The following CAMTA2 variants were observed in gnomAD, a reference collection of about 807,000 sequenced individuals.
CAMTA2 encodes calmodulin-binding transcription activator 2.
Under a neutral mutation model 135.7 loss-of-function variants are expected in CAMTA2, and 56 were observed. That is an observed-to-expected ratio of 0.41 (90% confidence interval 0.33 to 0.52). The LOEUF (loss-of-function observed/expected upper bound fraction) is 0.52, where lower values mean the gene tolerates loss of function less well. CAMTA2 is among the 20% of genes least tolerant of loss of function. The pLI is 0.16. For missense variants in CAMTA2, 1,358 were observed against 1,553.4 expected (o/e 0.87, Z 2.11); for synonymous variants, 591 against 604.6 (o/e 0.98, Z 0.33).
At chr17:4,985,477 G>T (rs894997889) in intron 3 of CAMTA2, among the ~76,000 whole-genome samples, 2 of 152,214 alleles carry the variant, frequency 1.3e-5, no homozygotes, top group Non-Finnish European at 2.9e-5. Context: ...AGGCTGGAGT[G>T]CAGTGGCGTG....
chr17:4,977,312 G>A, intron 10 of CAMTA2, 120 bp from the exon 11 acceptor site: 1 of 1,295,684 alleles, frequency 7.7e-7, no homozygotes, highest in Non-Finnish European at 1.0e-6. Flanking sequence ...TGTGGGCCAA[G>A]AGGCCCCTGG....
rs1972388510 is a variant in CAMTA2 at position 4,972,868 on chromosome 17, G to T, written c.2404C>A (p.His802Asn). 5 of 1,613,880 alleles carry T rather than the reference G, an allele frequency of 3.1e-6. No individual in the cohort carries two copies. Among genetic ancestry groups the T allele is most frequent in the Non-Finnish European group, 3.4e-6 (4 of 1,180,030 alleles). The change falls in exon 15 of 23, where the codon CAT becomes AAT. Residue 802 changes from histidine to asparagine, a missense_variant. Physicochemically the swap from His to Asn is moderately conservative, Grantham distance 68. Transcript: ENST00000348066. ...LPLSVAHSRG[H>N]VRLARCLEEL... ...TCAAGGCAGCGGGCAAGGCGCACAT[G>T]ACCCCGGGAATGAGCCACAGACAAT...
At position 4,970,440 on chromosome 17, in the gene CAMTA2, T is replaced by A. The variant is rs757802028; in HGVS notation, c.2905A>T (p.Met969Leu). The A allele has an allele frequency of 1.3e-5, 21 of 1,613,996 alleles. No homozygotes were observed. The highest frequency in any genetic ancestry group is 1.8e-5 in the Non-Finnish European group (21 of 1,180,010). ...CCCACAGCCCCTGTCCGCTCCCGCA[T>A]TGAGGCTCCAGCCTCGGGCAGCCCC... ...FVGLPEAGAS[M>L]RERTGAVGLS... is the part of the protein sequence containing the mutation. The change falls in exon 17 of 23, where the codon ATG becomes TTG. Residue 969 changes from methionine (M) to leucine (L), a missense_variant. This residue lies in a region of CAMTA2 where 1,077 missense variants were observed against 1,127.5 expected (regional missense o/e 0.96). Coordinates refer to ENST00000348066, the MANE Select transcript of CAMTA2 (RefSeq NM_015099.4).
chr17:4,974,530 T>G (rs1403933786), intron 11 of CAMTA2, 30 bp from the exon 12 acceptor site: 11 of 1,433,530 alleles, frequency 7.7e-6, no homozygotes, highest in Non-Finnish European at 1.1e-5. Flanking sequence ...GGAGGCTGAG[T>G]GGGCAGTCTA....
At position 4,972,475 on chromosome 17, in the gene CAMTA2, G is replaced by A. The variant is rs1382362279; in HGVS notation, c.2565C>T (p.Ala855=). 1 of 1,612,966 alleles carries A rather than the reference G, an allele frequency of 6.2e-7. No individual in the cohort carries two copies. Among genetic ancestry groups the A allele is most frequent in the East Asian group, 2.2e-5 (1 of 44,834 alleles). ...LSDGTFSVTS[A]YSSAPDGSPP... ...GACTGCCATCTGGGGCACTAGAATA[G>A]GCTGACGTGACGGAAAAGGTGCCAT... The change falls in exon 16 of 23, where the codon GCC becomes GCT. Residue 855 remains alanine, a synonymous_variant. Coordinates refer to ENST00000348066, the MANE Select transcript of CAMTA2 (RefSeq NM_015099.4).
Position 4,982,081 on chromosome 17 carries a change from G to T in CAMTA2, c.411+8C>A. On this transcript the variant is annotated splice_region_variant and intron_variant, in intron 6 of 22. Coordinates refer to ENST00000348066, the MANE Select transcript of CAMTA2 (RefSeq NM_015099.4). ...AGAGGGTGGCTCCCTGGGCTCTTCC[G>T]TCCTTACCTGGAGCAGCCAGTAGCA... 1 of 1,608,976 alleles carries T rather than the reference G, an allele frequency of 6.2e-7. No individual in the cohort carries two copies.
Position 4,982,089 on chromosome 17 carries a change from C to G in CAMTA2, c.411G>C (p.Gln137His). The G allele has an allele frequency of 6.2e-7, 1 of 1,612,240 alleles. No individual in the cohort carries two copies. The highest frequency in any genetic ancestry group is 8.5e-7 in the Non-Finnish European group (1 of 1,178,642). ...GCTCCCTGGGCTCTTCCGTCCTTAC[C>G]TGGAGCAGCCAGTAGCAGCGCCGAT... ...TFHRRCYWLL[Q>H]NPDIVLVHYL... is the part of the protein sequence containing the mutation. Residue 137 changes from glutamine to histidine, a missense_variant and splice_region_variant, in exon 6 of 23, where the codon CAG becomes CAC. By Grantham distance (24) the Gln-to-His change is conservative. Around this residue, in one of 4 missense-constraint regions of CAMTA2, gnomAD observed 105 missense variants for 190.9 expected, o/e 0.55. Coordinates refer to ENST00000348066, the MANE Select transcript of CAMTA2 (RefSeq NM_015099.4).
At chr17:4,985,809 A>G (rs1973241847) in intron 3 of CAMTA2, 71 bp downstream of exon 3, 1 of 916,962 alleles carries the variant, frequency 1.1e-6, no homozygotes, top group African/African-American at 1.6e-5. Context: ...AGACACGGAA[A>G]GACCCCCCAC....
intron 11 of CAMTA2, among the ~76,000 whole-genome samples, chr17:4,976,215 AG>A (rs1432476749): frequency 2.0e-5 from 3 of 152,012 alleles, no homozygotes; most frequent in African/African-American, 7.2e-5. Context: ...CATATTTGCC[AG>A]GCTGGTCTCA....
chr17:4,986,773 C>T (rs1973354069), intron 1 of CAMTA2: 1 of 580,164 alleles, frequency 1.7e-6, no homozygotes, highest in Non-Finnish European at 3.1e-6. Context: ...AGGGGAAGGG[C>T]AGATCTGATA....
rs776842223 is a variant in CAMTA2 at position 4,972,795 on chromosome 17, G to A, written c.2477C>T (p.Ser826Leu). Residue 826 changes from serine (S) to leucine (L), a missense_variant, in exon 15 of 23, where the codon TCG becomes TTG. By Grantham distance (145) the Ser-to-Leu change is moderately radical. Coordinates refer to ENST00000348066, the MANE Select transcript of CAMTA2 (RefSeq NM_015099.4). ...AGTGTCTGGGCTGGAGGAGGGTGGC[G>A]ATAGGGCAAATGGGGGCTCCACCGA... ...EPSVEPPFALSPPSSSPDTGL... is the reference protein window; with the variant it reads ...EPSVEPPFALLPPSSSPDTGL... The A allele has an allele frequency of 6.2e-6, 10 of 1,613,710 alleles. No homozygotes were observed. Among genetic ancestry groups the A allele is most frequent in the South Asian group, 3.3e-5 (3 of 91,078 alleles).
intron 15 of CAMTA2, 42 bp from the exon 16 acceptor site, chr17:4,972,578 G>A: frequency 1.3e-6 from 2 of 1,572,714 alleles, no homozygotes; most frequent in Non-Finnish European, 1.7e-6. Flanking sequence ...CGGAGCCACG[G>A]CCATCCCTCG....
At chr17:4,970,895 TC>T (rs1398352980) in intron 16 of CAMTA2, among the ~76,000 whole-genome samples, 1 of 152,080 alleles carries the variant, frequency 6.6e-6, no homozygotes, top group Non-Finnish European at 1.5e-5. Flanking sequence ...CACCCCCAGC[TC>T]CCTTTCAACT....
intron 12 of CAMTA2, chr17:4,974,077 C>A: frequency 1.9e-6 from 1 of 527,944 alleles, no homozygotes; most frequent in Non-Finnish European, 3.4e-6. Context: ...TAGCCCTCTT[C>A]TTTCAGAAAC....
Position 4,973,215 on chromosome 17 carries a change from ACCT to A in CAMTA2, c.2237_2239del (p.Glu746del), listed in dbSNP as rs1972413136. 1 of 1,614,014 alleles carries A rather than the reference ACCT, an allele frequency of 6.2e-7. No individual in the cohort carries two copies. Among genetic ancestry groups the A allele is most frequent in the East Asian group, 2.2e-5 (1 of 44,870 alleles). ...GAAATGATCCACGTTGAGCGGGTCA[ACCT>A]CCTGCTCTAAGTCCAAGCTTCCAGT... On this transcript the variant is annotated inframe_deletion, in exon 14 of 23. Coordinates refer to ENST00000348066, the MANE Select transcript of CAMTA2 (RefSeq NM_015099.4).
rs778329985 is a variant in CAMTA2 at position 4,981,336 on chromosome 17, C to T, written c.589G>A (p.Gly197Arg). The change falls in exon 8 of 23, where the codon GGG (glycine) becomes AGG (arginine). Residue 197 changes from glycine (G) to arginine (R), a missense_variant. Transcript: ENST00000348066. Reference protein sequence around the residue: ...PMFHGIKWSCGNGTEEFSVEH... With the variant: ...PMFHGIKWSCRNGTEEFSVEH... ...ACAGAGAACTCTTCTGTTCCATTCC[C>T]GCAGCTCCACTTGATGCCATGAACT... 26 of 1,613,962 alleles carry T rather than the reference C, an allele frequency of 1.6e-5. No homozygotes were observed. The East Asian group carries it at 4.2e-4, about 26-fold the overall frequency.
chr17:4,980,695 A>T lies in CAMTA2; in HGVS notation c.701-74T>A, dbSNP rs1972910484. ...GCACCTTCTCTACCTTGAGGCCCTT[A>T]AAAGTATTTCCTGGGACGTCCCTAT... is the stretch of plus-strand genomic sequence containing the variant. On this transcript the variant is annotated intron_variant, in intron 8 of 22. Coordinates refer to ENST00000348066, the MANE Select transcript of CAMTA2 (RefSeq NM_015099.4). The surrounding 1 kb of genome is among the most constrained non-coding windows in gnomAD (Gnocchi z 5.3). 1.7e-6 allele frequency: 2 copies of T among 1,173,344 alleles called. No homozygotes were observed. Among genetic ancestry groups the T allele is most frequent in the East Asian group, 2.3e-5 (1 of 42,900 alleles). The allele number at this position is 1,173,344 out of a possible 1,614,324, so 72.7% of individuals were successfully genotyped here. A position where few individuals can be genotyped will look rare whatever the true frequency, so the allele number is the denominator to read the frequency against.
At chr17:4,970,144 T>C (rs780680742) in intron 17 of CAMTA2, 59 bp from the exon 18 acceptor site, 4 of 1,517,018 alleles carry the variant, frequency 2.6e-6, no homozygotes, top group East Asian at 4.5e-5. Flanking sequence ...CTCTGCCACC[T>C]ATGGATGGCT....
In CAMTA2 at chr17:4,973,702, G is replaced by T. The variant is rs749025636; in HGVS notation, c.2084C>A (p.Ser695Tyr). Residue 695 changes from serine (S) to tyrosine (Y), a missense_variant, in exon 13 of 23, where the codon TCC becomes TAC. Physicochemically the swap from Ser to Tyr is moderately radical, Grantham distance 144. This residue lies in a region of CAMTA2 where 1,077 missense variants were observed against 1,127.5 expected (regional missense o/e 0.96). Coordinates refer to ENST00000348066, the MANE Select transcript of CAMTA2 (RefSeq NM_015099.4). ...VVLVESMIPR[S>Y]TWKGPERLAH... ...CAGACGTTCAGGACCCTTCCAGGTGGAGCGTGGGATCATGCTTTCTACCAA... is the reference window on the plus strand; with the variant it reads ...CAGACGTTCAGGACCCTTCCAGGTGTAGCGTGGGATCATGCTTTCTACCAA... The T allele has an allele frequency of 1.2e-6, 2 of 1,614,084 alleles. No homozygotes were observed. The highest frequency in any genetic ancestry group is 2.2e-5 in the East Asian group (1 of 44,890).
Sources: gnomAD v4.1 joint callset for allele counts (sites outside exome capture counted in the v4.1 genomes callset) on GRCh38, gnomAD v4.1.1 for gene constraint, gnomAD v4.1.1 regional missense constraint, Gnocchi (gnomAD v3.1) non-coding constraint, MANE v1.5 for transcripts, NCBI Gene and HGNC (gene_info 2026-07-23, HGNC 2026-07-21) for gene names.